The following ARAP2 variants were observed in gnomAD, a reference collection of about 807,000 sequenced individuals.
The protein encoded by ARAP2 is ArfGAP with RhoGAP domain, ankyrin repeat and PH domain 2.
ARAP2 carries 148 observed loss-of-function variants against 194.5 expected under a neutral mutation model. That is an observed-to-expected ratio of 0.76 (90% confidence interval 0.67 to 0.87). The LOEUF (loss-of-function observed/expected upper bound fraction) is 0.87. Ranked by LOEUF, ARAP2 falls within the 40% of genes least tolerant of loss-of-function variation. The pLI, the probability that ARAP2 is intolerant of heterozygous loss-of-function variation, is 0.00. For missense variants in ARAP2, 2,128 were observed against 1,989.7 expected (o/e 1.07, Z -1.32); for synonymous variants, 695 against 683.5 (o/e 1.02, Z -0.26).
intron 5 of ARAP2, among the ~76,000 whole-genome samples, chr4:36,040,412 A>C (rs1341968357): frequency 6.6e-6 from 1 of 152,198 alleles, no homozygotes; most frequent in African/African-American, 2.4e-5. Flanking sequence ...AATAGCATTG[A>C]ACCGGTAAAT....
chr4:36,237,613 G>T (rs948345131), intron 1 of ARAP2, among the ~76,000 whole-genome samples: 1 of 152,112 alleles, frequency 6.6e-6, no homozygotes, highest in African/African-American at 2.4e-5. Context: ...CTTCCCCTTT[G>T]CCTTCCACAA....
At chr4:36,089,127 T>C (rs1464163731) in intron 28 of ARAP2, among the ~76,000 whole-genome samples, 2 of 152,186 alleles carry the variant, frequency 1.3e-5, no homozygotes, top group East Asian at 3.9e-4. Flanking sequence ...TTGGCAATTC[T>C]GCAGCAAACT....
intron 22 of ARAP2, 52 bp downstream of exon 22, chr4:36,124,810 C>G: frequency 9.0e-7 from 1 of 1,110,218 alleles, no homozygotes; most frequent in Non-Finnish European, 1.3e-6. Context: ...GAAATAATGA[C>G]TTATTGAGTG....
intron 4 of ARAP2, 132 bp from the exon 5 acceptor site, chr4:36,212,619 A>C: frequency 1.8e-6 from 1 of 547,990 alleles, no homozygotes; most frequent in Non-Finnish European, 3.2e-6. Flanking sequence ...AAGTCTAATT[A>C]CTTAGATCAA....
intron 8 of ARAP2, among the ~76,000 whole-genome samples, chr4:36,013,332 T>G (rs576485721): frequency 6.6e-6 from 1 of 152,268 alleles, no homozygotes; most frequent in Admixed American, 6.5e-5. Context: ...CACAAAAGAA[T>G]AGGAGGATAA....
intron 5 of ARAP2, among the ~76,000 whole-genome samples, chr4:36,023,784 C>T (rs899448724): frequency 6.6e-6 from 1 of 152,112 alleles, no homozygotes; most frequent in Non-Finnish European, 1.5e-5. Context: ...GGCATGAATG[C>T]TGATGCGAAA....
At position 36,081,263 on chromosome 4, in the gene ARAP2, G is replaced by T. The variant is rs529204683; in HGVS notation, c.4545-984C>A. On this transcript the variant is annotated intron_variant, in intron 30 of 32. Transcript: ENST00000303965. ...TCAGAGGTGAGAGCTATTAGATAAG[G>T]CTTTGGGGCATTTGAGCTATGATTT... 1.1e-4 allele frequency among the ~76,000 whole-genome samples: 17 copies of T among 152,220 alleles called. No individual in the cohort carries two copies. In the South Asian group the frequency reaches 2.1e-3, roughly 19 times the overall value.
intron 32 of ARAP2, among the ~76,000 whole-genome samples, chr4:36,070,580 T>C (rs945364466): frequency 1.3e-5 from 2 of 152,154 alleles, no homozygotes; most frequent in African/African-American, 4.8e-5. Context: ...AATGGATGGG[T>C]TCTCACAGCA....
At chr4:36,072,103 AT>A (rs984344530) in intron 32 of ARAP2, among the ~76,000 whole-genome samples, 3 of 151,750 alleles carry the variant, frequency 2.0e-5, no homozygotes, top group Non-Finnish European at 2.9e-5. Flanking sequence ...GTTTATATGA[AT>A]TTTTTTAAAA....
chr4:36,177,563 C>G (rs916876766), intron 9 of ARAP2, among the ~76,000 whole-genome samples: 3 of 152,030 alleles, frequency 2.0e-5, no homozygotes, highest in Non-Finnish European at 2.9e-5. Flanking sequence ...CTAAATAAGA[C>G]TTTTCAAAAA....
intron 14 of ARAP2, 82 bp from the exon 15 acceptor site, chr4:36,158,946 T>A: frequency 7.9e-7 from 1 of 1,266,218 alleles, no homozygotes; most frequent in Non-Finnish European, 1.1e-6. Flanking sequence ...ACATGAGTTT[T>A]GAGCTAGAAG....
chr4:36,107,768 T>A (rs780358744), intron 26 of ARAP2, 75 bp from the exon 27 acceptor site: 38 of 1,426,558 alleles, frequency 2.7e-5, no homozygotes, highest in Non-Finnish European at 3.5e-5. Context: ...TCATAAATTT[T>A]AAAAAATCCA....
chr4:36,128,505 T>C (rs5009416), intron 21 of ARAP2, 28 bp downstream of exon 21: 509,975 of 1,217,834 alleles, frequency 0.42, 94,491 homozygotes, highest in East Asian at 0.52. Context: ...CACACACACA[T>C]ATCTACAAAT....
rs367897275 is a variant in ARAP2, at chr4:36,092,689, T to C, written c.4286-669A>G. On this transcript the variant is annotated intron_variant, in intron 27 of 32. Coordinates refer to ENST00000303965, the MANE Select transcript of ARAP2 (RefSeq NM_015230.4). ...TGAAATGTATTTTGGATATTGGATA[T>C]GTGATATTAAATAAAACATACTGGT... Among the ~76,000 whole-genome samples the C allele has an allele frequency of 1.4e-3, 209 of 152,340 alleles. 9 individuals are homozygous for C. In the South Asian group the frequency reaches 0.026, roughly 19 times the overall value.
chr4:36,061,370 A>G (rs61797472), downstream of ARAP2, among the ~76,000 whole-genome samples: 47,438 of 152,042 alleles, frequency 0.31, 8,377 homozygotes, highest in East Asian at 0.51. Context: ...TACCCTTCCC[A>G]GCCTCTGGCT....
intron 1 of ARAP2, among the ~76,000 whole-genome samples, chr4:36,060,852 G>A (rs1301393626): frequency 6.6e-6 from 1 of 152,076 alleles, no homozygotes; most frequent in Admixed American, 6.6e-5. Flanking sequence ...GAATGGATTA[G>A]GGCCTGTCCT....
In ARAP2 at chr4:36,158,848, A is replaced by G; in HGVS notation, c.2634T>C (p.Asp878=). The G allele has an allele frequency of 6.3e-7, 1 of 1,591,956 alleles. No individual in the cohort carries two copies. Among genetic ancestry groups the G allele is most frequent in the Non-Finnish European group, 8.5e-7 (1 of 1,174,206 alleles). The change falls in exon 15 of 33, where the codon GAT becomes GAC. Residue 878 remains aspartate (D), a synonymous_variant. Coordinates refer to ENST00000303965, the MANE Select transcript of ARAP2 (RefSeq NM_015230.4). ...HNKFSDFPQH[D]IHSEGVLSQE... Reference sequence around the variant, plus strand: ...GACTTAATACACCCTCGGAATGAATATCATGTTGAGGGAAATCTAGAAAAA... The same window carrying G: ...GACTTAATACACCCTCGGAATGAATGTCATGTTGAGGGAAATCTAGAAAAA...
intron 9 of ARAP2, among the ~76,000 whole-genome samples, chr4:36,172,403 G>C (rs1578163843): frequency 6.6e-6 from 1 of 152,084 alleles, no homozygotes; most frequent in Admixed American, 6.6e-5. Flanking sequence ...TAAATTAAGG[G>C]TCTGATACAT....
Position 36,177,909 on chromosome 4 carries a change from C to T in ARAP2, c.1775G>A (p.Gly592Glu), listed in dbSNP as rs752593167. The T allele has an allele frequency of 7.4e-5, 119 of 1,613,440 alleles. No individual in the cohort carries two copies. Among genetic ancestry groups the T allele is most frequent in the Non-Finnish European group, 9.7e-5 (114 of 1,179,708 alleles). The change falls in exon 9 of 33, where the codon GGA becomes GAA. Residue 592 changes from glycine (G) to glutamate (E), a missense_variant. Transcript: ENST00000303965. ...CTTATAGCCTCTCAATTCAAGATAT[C>T]CACATTTCTCAGGTGTAACAACAGC... ...SQAVVTPEKC[G>E]YLELRGYKAK...
Sources: gnomAD v4.1 joint callset for allele counts (sites outside exome capture counted in the v4.1 genomes callset) on GRCh38, gnomAD v4.1.1 for gene constraint, MANE v1.5 for transcripts, NCBI Gene and HGNC (gene_info 2026-07-23, HGNC 2026-07-21) for gene names.